Variants in NR2E3 observed in about 807,000 individuals in gnomAD.
NR2E3 encodes the protein photoreceptor-specific nuclear receptor.
Under a neutral mutation model 37.6 loss-of-function variants are expected in NR2E3, and 38 were observed. That is an observed-to-expected ratio of 1.01 (90% CI 0.78 to 1.33). The LOEUF (loss-of-function observed/expected upper bound fraction) is 1.33. Among genes scored for constraint, NR2E3 ranks in the 40% most tolerant of loss-of-function variants. The probability of loss-of-function intolerance (pLI) is 0.00; values close to 1 mark genes in which losing one functional copy is unlikely to be tolerated. For synonymous variants in NR2E3, 235 were observed against 225.1 expected, an observed-to-expected ratio of 1.04 and a Z score of -0.39; for missense variants, 562 against 558.7, an observed-to-expected ratio of 1.01 and a Z score of -0.06.
In NR2E3 at chr15:71,811,950, C is replaced by T. The variant is rs1163058324; in HGVS notation, c.350-5C>T. ...GTGTCGTCCTGACCCTTCCTGCCTCCCCAGCCGTGCAGAACGAGCGCCAGC... is the reference window on the plus strand; with the variant it reads ...GTGTCGTCCTGACCCTTCCTGCCTCTCCAGCCGTGCAGAACGAGCGCCAGC... On this transcript the variant is annotated splice_region_variant and splice_polypyrimidine_tract_variant and intron_variant, in intron 3 of 7. Transcript: ENST00000617575. The surrounding 1 kb of genome is among the most constrained non-coding windows in gnomAD (Gnocchi z 5.6). 1 of 1,549,692 alleles carries T rather than the reference C, an allele frequency of 6.5e-7. No individual in the cohort carries two copies. The highest frequency in any genetic ancestry group is 2.0e-5 in the Admixed American group (1 of 51,012).
intron 7 of NR2E3, chr15:71,814,582 A>G (rs1172666056): frequency 1.7e-5 from 16 of 942,974 alleles, no homozygotes; most frequent in Non-Finnish European, 1.9e-5. Context: ...GGTTCCTGCC[A>G]GTGAGAAATG....
In NR2E3 at chr15:71,811,742, C is replaced by G. The variant is rs1036620092; in HGVS notation, c.246-24C>G. The G allele has an allele frequency of 1.9e-6, 3 of 1,549,134 alleles. No homozygotes were observed. Among genetic ancestry groups the G allele is most frequent in the African/African-American group, 2.7e-5 (2 of 72,978 alleles). On this transcript the variant is annotated intron_variant, in intron 2 of 7. Transcript: ENST00000617575. This position sits in a 1 kb window ranked among gnomAD's most constrained non-coding sequence, Gnocchi z 5.6. ...CAGGGCATGGGAGGGACACTGACCC[C>G]TGGGGTCTCCTCTTCACCTGCAGGT...
Position 71,817,933 on chromosome 15 carries a change from T to G in NR2E3, c.*249T>G. 1 of 289,774 alleles carries G rather than the reference T, an allele frequency of 3.5e-6. No homozygotes were observed. The highest frequency in any genetic ancestry group is 6.5e-6 in the Non-Finnish European group (1 of 153,256). 18.0% of individuals were successfully genotyped at this position (289,774 alleles called of 1,614,324 possible). ...GAAAAATAATTTAAAAAGAATGAAT[T>G]ACGGATACATGTGGCAACACAGGTA... On this transcript the variant is annotated 3_prime_UTR_variant, in exon 8 of 8. Coordinates refer to ENST00000617575, the MANE Select transcript of NR2E3 (RefSeq NM_014249.4).
At chr15:71,815,100 C>T (rs1175804474) in intron 7 of NR2E3, among the ~76,000 whole-genome samples, 1 of 152,082 alleles carries the variant, frequency 6.6e-6, no homozygotes, top group Non-Finnish European at 1.5e-5. Flanking sequence ...TGTGGCTGCG[C>T]GAGGGTGGGG....
At position 71,817,706 on chromosome 15, in the gene NR2E3, T is replaced by C. The variant is rs2054238337; in HGVS notation, c.*22T>C. 1 of 1,576,560 alleles carries C rather than the reference T, an allele frequency of 6.3e-7. No homozygotes were observed. The highest frequency in any genetic ancestry group is 8.7e-7 in the Non-Finnish European group (1 of 1,150,972). On this transcript the variant is annotated 3_prime_UTR_variant, in exon 8 of 8. Transcript: ENST00000617575. ...CTAGTGGGGGTGGAGGTGAAATGTT[T>C]CCAAGCACTCTGGAAAACAATCTAC... is the stretch of plus-strand genomic sequence containing the variant.
intron 7 of NR2E3, among the ~76,000 whole-genome samples, chr15:71,816,824 ATTG>A (rs986213725): frequency 4.6e-4 from 70 of 152,260 alleles, no homozygotes; most frequent in Admixed American, 2.2e-3. Flanking sequence ...GGATAAACCC[ATTG>A]TTAAGTTGAA....
At chr15:71,814,711 G>T (rs1417924737) in intron 7 of NR2E3, 1 of 986,928 alleles carries the variant, frequency 1.0e-6, no homozygotes, top group Non-Finnish European at 1.2e-6. Context: ...CGAGCAGAGG[G>T]TCATACACAG....
Position 71,811,896 on chromosome 15 carries a change from G to A in NR2E3, c.349+27G>A, listed in dbSNP as rs1366137672. On this transcript the variant is annotated intron_variant, in intron 3 of 7. Coordinates refer to ENST00000617575, the MANE Select transcript of NR2E3 (RefSeq NM_014249.4). This position sits in a 1 kb window ranked among gnomAD's most constrained non-coding sequence, Gnocchi z 5.6. ...TGAGGCGGGGGCTGGCCCGGGGGGA[G>A]GTGACAAGAAATGGGCAGCGGGACT... 6 of 1,549,988 alleles carry A rather than the reference G, an allele frequency of 3.9e-6. No individual in the cohort carries two copies. The highest frequency in any genetic ancestry group is 1.7e-4 in the Middle Eastern group (1 of 6,012).
Position 71,813,445 on chromosome 15 carries a change from G to A in NR2E3, c.804G>A (p.Trp268Ter), listed in dbSNP as rs1269569810. ...SELFLLGAIQ[W>*]SLPLDSCPLL... is the part of the protein sequence containing the mutation. The stretch of plus-strand genomic sequence containing the variant: ...TCTTTCTCCTCGGGGCCATCCAGTG[G>A]TCTCTGCCTCTGGACAGCTGTCCTC... The change falls in exon 6 of 8, where the codon TGG (tryptophan) becomes TGA (stop). Residue 268 changes from tryptophan (W) to a stop codon, truncating the protein, a stop_gained. Coordinates refer to ENST00000617575, the MANE Select transcript of NR2E3 (RefSeq NM_014249.4). LOFTEE classifies it high-confidence loss of function. This position sits in a 1 kb window ranked among gnomAD's most constrained non-coding sequence, Gnocchi z 4.7. 2 of 1,610,410 alleles carry A rather than the reference G, an allele frequency of 1.2e-6. No individual in the cohort carries two copies. The highest frequency in any genetic ancestry group is 1.7e-5 in the Admixed American group (1 of 59,524).
Position 71,814,095 on chromosome 15 carries a change from C to T in NR2E3, c.1078C>T (p.His360Tyr). 1 of 1,611,950 alleles carries T rather than the reference C, an allele frequency of 6.2e-7. No homozygotes were observed. The highest frequency in any genetic ancestry group is 1.7e-5 in the Admixed American group (1 of 59,976). The change falls in exon 7 of 8, where the codon CAC becomes TAC. Residue 360 changes from histidine to tyrosine, a missense_variant. Physicochemically the swap from His to Tyr is moderately conservative, Grantham distance 83 (BLOSUM62 2). Transcript: ENST00000617575. ...QVMLSQHSKAHHPSQPVRFGK... is the reference protein window; with the variant it reads ...QVMLSQHSKAYHPSQPVRFGK... ...GATGCTGAGCCAGCACAGCAAGGCC[C>T]ACCACCCCAGCCAGCCCGTGAGGTG...
Position 71,814,035 on chromosome 15 carries a change from G to A in NR2E3, c.1018G>A (p.Glu340Lys). The change falls in exon 7 of 8, where the codon GAG (glutamate) becomes AAG (lysine). Residue 340 changes from glutamate to lysine, a missense_variant. Coordinates refer to ENST00000617575, the MANE Select transcript of NR2E3 (RefSeq NM_014249.4). ...AGAGACGCGGGGCCTGAAGGATCCT[G>A]AGCACGTAGAGGCCTTGCAGGACCA... is the stretch of plus-strand genomic sequence containing the variant. The part of the protein sequence containing the change: ...KPETRGLKDP[E>K]HVEALQDQSQ... 1 of 1,612,566 alleles carries A rather than the reference G, an allele frequency of 6.2e-7. No homozygotes were observed. The highest frequency in any genetic ancestry group is 8.5e-7 in the Non-Finnish European group (1 of 1,179,622).
In NR2E3 at chr15:71,812,270, G is replaced by A. The variant is rs1417761620; in HGVS notation, c.572-66G>A. Reference sequence around the variant, plus strand: ...TTGCCTTGATCCTCCCTCCCCCGGGGCTCCAAGTACTCCCTGCCACCTCCC... The same window carrying A: ...TTGCCTTGATCCTCCCTCCCCCGGGACTCCAAGTACTCCCTGCCACCTCCC... On this transcript the variant is annotated intron_variant, in intron 4 of 7. Transcript: ENST00000617575. 9 of 1,611,160 alleles carry A rather than the reference G, an allele frequency of 5.6e-6. No homozygotes were observed. In the East Asian group the frequency reaches 1.3e-4, roughly 24 times the overall value.
intron 7 of NR2E3, among the ~76,000 whole-genome samples, chr15:71,817,044 A>C (rs2054231687): frequency 6.6e-6 from 1 of 151,860 alleles, no homozygotes; most frequent in African/African-American, 2.4e-5. Flanking sequence ...GTGGCGGCTC[A>C]CAATGGGTCG....
chr15:71,812,142 A>G lies in NR2E3; in HGVS notation c.537A>G (p.Thr179=), dbSNP rs1350409865. 1 of 1,566,786 alleles carries G rather than the reference A, an allele frequency of 6.4e-7. No individual in the cohort carries two copies. The highest frequency in any genetic ancestry group is 8.6e-7 in the Non-Finnish European group (1 of 1,156,210). ...LGHHFMASLI[T]AETCAKLEPE... ...ACCACTTCATGGCCAGCCTTATAAC[A>G]GCTGAAACCTGTGCTAAGCTGGAGC... The change falls in exon 4 of 8, where the codon ACA becomes ACG. Residue 179 remains threonine, a synonymous_variant. Transcript: ENST00000617575.
At chr15:71,816,981 TA>T (rs1238288711) in intron 7 of NR2E3, among the ~76,000 whole-genome samples, 1 of 152,174 alleles carries the variant, frequency 6.6e-6, no homozygotes, top group Non-Finnish European at 1.5e-5. Flanking sequence ...TCTTTACATA[TA>T]ATAAACAATA....
At chr15:71,814,995 A>G (rs2054216379) in intron 7 of NR2E3, 1 of 814,436 alleles carries the variant, frequency 1.2e-6, no homozygotes, top group Admixed American at 6.2e-5. Flanking sequence ...AGGGAAGATG[A>G]TAAGGTGTTT....
rs374975658 is a variant in NR2E3 at position 71,813,513 on chromosome 15, G to A, written c.872G>A (p.Gly291Asp). Residue 291 changes from glycine (G) to aspartate (D), a missense_variant, in exon 6 of 8, where the codon GGC becomes GAC. Gly to Asp is a moderately conservative substitution (Grantham distance 94). Coordinates refer to ENST00000617575, the MANE Select transcript of NR2E3 (RefSeq NM_014249.4). This position sits in a 1 kb window ranked among gnomAD's most constrained non-coding sequence, Gnocchi z 4.7. ...PEASAAGGAQGRLTLASMETR... is the reference protein window; with the variant it reads ...PEASAAGGAQDRLTLASMETR... ...GCCTCTGCTGCCGGTGGTGCCCAGG[G>A]CCGGCTCACGCTGGCCAGCATGGAG... is the stretch of plus-strand genomic sequence containing the variant. The A allele has an allele frequency of 1.9e-6, 3 of 1,613,036 alleles. No homozygotes were observed. The highest frequency in any genetic ancestry group is 2.7e-5 in the African/African-American group (2 of 74,918).
rs146403122 is a variant in NR2E3, at chr15:71,811,966, G to A, written c.361G>A (p.Glu121Lys). 1.8e-3 allele frequency: 2,753 copies of A among 1,550,932 alleles called. 55 individuals are homozygous for A. The East Asian group carries it at 0.041, about 23-fold the overall frequency. The change falls in exon 4 of 8, where the codon GAG becomes AAG. Residue 121 changes from glutamate to lysine, a missense_variant. Coordinates refer to ENST00000617575, the MANE Select transcript of NR2E3 (RefSeq NM_014249.4). The surrounding 1 kb of genome is among the most constrained non-coding windows in gnomAD (Gnocchi z 5.6). ...TCCTGCCTCCCCAGCCGTGCAGAACGAGCGCCAGCCGCGAAGCACAGCCCA... is the reference window on the plus strand; with the variant it reads ...TCCTGCCTCCCCAGCCGTGCAGAACAAGCGCCAGCCGCGAAGCACAGCCCA... ...AGMNQDAVQNERQPRSTAQVH... is the reference protein window; with the variant it reads ...AGMNQDAVQNKRQPRSTAQVH...
chr15:71,812,501 T>G lies in NR2E3; in HGVS notation c.737T>G (p.Phe246Cys). The G allele has an allele frequency of 6.2e-7, 1 of 1,610,706 alleles. No homozygotes were observed. Among genetic ancestry groups the G allele is most frequent in the Non-Finnish European group, 8.5e-7 (1 of 1,177,878 alleles). The change falls in exon 5 of 8, where the codon TTC (phenylalanine) becomes TGC (cysteine). Residue 246 changes from phenylalanine to cysteine, a missense_variant. Transcript: ENST00000617575. ...KNLPVFSSLP[F>C]RDQVILLEEA... ...CTGCCTGTGTTCTCCAGCCTGCCCT[T>G]CCGGGATCAGGTACCTACCGGCCTG... is the stretch of plus-strand genomic sequence containing the variant.
Sources: gnomAD v4.1 joint callset for allele counts (sites outside exome capture counted in the v4.1 genomes callset) on GRCh38, gnomAD v4.1.1 for gene constraint, Gnocchi (gnomAD v3.1) non-coding constraint, MANE v1.5 for transcripts, NCBI Gene and HGNC (gene_info 2026-07-23, HGNC 2026-07-21) for gene names.